CAMK1D: variants seen among roughly 807,000 people sequenced by gnomAD.
The protein encoded by CAMK1D is calcium/calmodulin-dependent protein kinase type 1D.
A neutral mutation model predicts 47.7 loss-of-function variants in CAMK1D; 9 were observed. The ratio of observed to expected loss-of-function variants is 0.19; its 90% CI spans 0.11 to 0.33. The LOEUF is 0.33. CAMK1D is among the 10% of genes least tolerant of loss of function. The pLI, the probability that CAMK1D is intolerant of heterozygous loss-of-function variation, is 1.00. For synonymous variants in CAMK1D, 184 were observed against 184.9 expected (o/e 0.99, Z 0.04); for missense variants, 291 against 488.7 (o/e 0.60, Z 3.81).
chr10:12,804,937 C>CAAAAA (rs145584740), intron 6 of CAMK1D, among the ~76,000 whole-genome samples: 42 of 50,934 alleles, frequency 8.2e-4, no homozygotes, highest in African/African-American at 1.8e-3. Context: ...GACCCTGTCT[C>CAAAAA]AAAAAAAAAA....
chr10:12,684,175 C>T (rs985371550), intron 3 of CAMK1D, among the ~76,000 whole-genome samples: 7 of 152,102 alleles, frequency 4.6e-5, no homozygotes, highest in Admixed American at 3.9e-4. Flanking sequence ...TGCAGGGACC[C>T]GGTTGCAGTG....
intron 5 of CAMK1D, among the ~76,000 whole-genome samples, chr10:12,772,232 A>G (rs973514520): frequency 9.9e-5 from 15 of 152,178 alleles, no homozygotes; most frequent in Non-Finnish European, 1.9e-4. Context: ...CTGAGCCATC[A>G]GGGAAGCCGT....
chr10:12,508,123 A>T (rs1834932812), intron 1 of CAMK1D, among the ~76,000 whole-genome samples: 5 of 152,172 alleles, frequency 3.3e-5, no homozygotes, highest in Admixed American at 3.3e-4. Flanking sequence ...CCAAATCCAG[A>T]TGCTGCCTGT....
intron 5 of CAMK1D, among the ~76,000 whole-genome samples, chr10:12,787,158 AG>A (rs1732807666): frequency 6.9e-6 from 1 of 144,242 alleles, no homozygotes; most frequent in Admixed American, 7.0e-5. Context: ...AAGAAGAAGA[AG>A]AATCTAAACA....
At chr10:12,522,242 C>G (rs1483971653) in intron 1 of CAMK1D, among the ~76,000 whole-genome samples, 1 of 135,870 alleles carries the variant, frequency 7.4e-6, no homozygotes, top group Non-Finnish European at 1.5e-5. Context: ...GTGTTTCTCG[C>G]AGAGGGGGAT....
intron 1 of CAMK1D, among the ~76,000 whole-genome samples, chr10:12,495,763 A>C (rs1834519757): frequency 6.6e-6 from 1 of 152,210 alleles, no homozygotes; most frequent in Admixed American, 6.5e-5. Flanking sequence ...AAGATTGAAA[A>C]ATTGGAAATA....
intron 2 of CAMK1D, among the ~76,000 whole-genome samples, chr10:12,569,587 C>G (rs1837253791): frequency 6.6e-6 from 1 of 150,382 alleles, no homozygotes; most frequent in Non-Finnish European, 1.5e-5. Context: ...GGCTTGGTGG[C>G]GGGCGCCTGT....
At chr10:12,566,326 A>C (rs1837123223) in intron 2 of CAMK1D, among the ~76,000 whole-genome samples, 1 of 152,046 alleles carries the variant, frequency 6.6e-6, no homozygotes, top group Non-Finnish European at 1.5e-5. Context: ...CCCTTCTTGA[A>C]ATAGGAGACA....
rs572219523 is a variant in CAMK1D at position 12,559,760 on chromosome 10, C to T, written c.224+6404C>T. 3.3e-5 allele frequency among the ~76,000 whole-genome samples: 5 copies of T among 152,220 alleles called. No homozygotes were observed. The South Asian group carries it at 1.0e-3, about 32-fold the overall frequency. ...CTTCTCAAGGGTGGCTGAAGAAGTA[C>T]GGGCAGTAGTGGCAGTGCCAGGCCT... On this transcript the variant is annotated intron_variant, in intron 2 of 10. Coordinates refer to ENST00000619168, the MANE Select transcript of CAMK1D (RefSeq NM_153498.4).
chr10:12,642,048 TA>T (rs34344996), intron 2 of CAMK1D, among the ~76,000 whole-genome samples: 298 of 133,080 alleles, frequency 2.2e-3, no homozygotes, highest in Middle Eastern at 4.0e-3. Flanking sequence ...TTTCTCAGAA[TA>T]AAAAAAAAAA....
chr10:12,413,926 T>G (rs903689257), intron 1 of CAMK1D, among the ~76,000 whole-genome samples: 4 of 152,202 alleles, frequency 2.6e-5, no homozygotes, highest in African/African-American at 9.6e-5. Context: ...ATGGAAGGGC[T>G]TATCCCTTTT....
At position 12,564,147 on chromosome 10, in the gene CAMK1D, G is replaced by GTCTC. The variant is rs56063700; in HGVS notation, c.224+10822_224+10825dup. Among the ~76,000 whole-genome samples the GTCTC allele has an allele frequency of 2.0e-3, 281 of 139,710 alleles. 2 individuals carry two copies. The highest frequency in any genetic ancestry group is 0.013 in the South Asian group (55 of 4,200). The allele number at this position is 139,710 out of a possible 152,430, so 91.7% of individuals were successfully genotyped here. ...TCTCTCTCTCTCTCTCTCTCTCTCT[G>GTCTC]TCTCTCTCTCTCTCTCTCTCTCTCT... On this transcript the variant is annotated intron_variant, in intron 2 of 10. Transcript: ENST00000619168.
intron 3 of CAMK1D, among the ~76,000 whole-genome samples, chr10:12,757,243 G>T (rs1588891863): frequency 1.3e-5 from 2 of 152,238 alleles, no homozygotes; most frequent in African/African-American, 4.8e-5. Flanking sequence ...AAAGTGCTGG[G>T]ATTACAGATG....
intron 1 of CAMK1D, among the ~76,000 whole-genome samples, chr10:12,545,865 AG>A (rs1294528279): frequency 2.0e-5 from 3 of 151,506 alleles, no homozygotes; most frequent in Non-Finnish European, 4.4e-5. Flanking sequence ...AATGACGTTC[AG>A]GGAAGGAGGG....
intron 2 of CAMK1D, among the ~76,000 whole-genome samples, chr10:12,588,900 GTGTGTA>G (rs879731058): frequency 0.035 from 5,341 of 150,626 alleles, 310 homozygotes; most frequent in African/African-American, 0.13. Flanking sequence ...GTGTGTGTGT[GTGTGTA>G]TATATAACAT....
At chr10:12,663,350 T>G (rs921358411) in intron 2 of CAMK1D, among the ~76,000 whole-genome samples, 1 of 152,130 alleles carries the variant, frequency 6.6e-6, no homozygotes, top group African/African-American at 2.4e-5. Context: ...TCTGGACAAA[T>G]GAGTGATGAT....
intron 6 of CAMK1D, among the ~76,000 whole-genome samples, chr10:12,804,579 C>G (rs1004097425): frequency 2.0e-5 from 3 of 146,576 alleles, no homozygotes; most frequent in Admixed American, 7.0e-5. Flanking sequence ...GCCTGGGCGA[C>G]AGAGTGAGAC....
At chr10:12,426,073 C>T (rs1161482012) in intron 1 of CAMK1D, among the ~76,000 whole-genome samples, 2 of 152,124 alleles carry the variant, frequency 1.3e-5, no homozygotes, top group East Asian at 1.9e-4. Flanking sequence ...TTTAGTGCAC[C>T]GTTCATGATA....
Position 12,701,279 on chromosome 10 carries a change from G to C in CAMK1D, c.299+34469G>C, listed in dbSNP as rs925306798. On this transcript the variant is annotated intron_variant, in intron 3 of 10. Coordinates refer to ENST00000619168, the MANE Select transcript of CAMK1D (RefSeq NM_153498.4). ...ATACATTATTCTTTAGTGTCCAAAG[G>C]GTTTTTACTTCCAATGGCTTATTTG... Among the ~76,000 whole-genome samples the C allele has an allele frequency of 3.3e-5, 5 of 152,010 alleles. No individual in the cohort carries two copies. The South Asian group carries it at 8.3e-4, about 25-fold the overall frequency.
Sources: gnomAD v4.1 joint callset for allele counts (sites outside exome capture counted in the v4.1 genomes callset) on GRCh38, gnomAD v4.1.1 for gene constraint, MANE v1.5 for transcripts, NCBI Gene and HGNC (gene_info 2026-07-23, HGNC 2026-07-21) for gene names.